ULK4: variants seen among roughly 807,000 people sequenced by gnomAD.
ULK4 encodes the protein unc-51 like kinase 4.
In ULK4, 133 loss-of-function variants were observed where a neutral mutation model predicts 160.6. The ratio of observed to expected loss-of-function variants is 0.83; its 90% CI spans 0.72 to 0.96. The LOEUF (loss-of-function observed/expected upper bound fraction) is 0.96. Among genes scored for constraint, ULK4 ranks in the 40% least tolerant of loss-of-function variants. The probability of loss-of-function intolerance (pLI) is 0.00; values close to 1 mark genes in which losing one functional copy is unlikely to be tolerated. For synonymous variants in ULK4, 534 were observed against 539.8 expected, an observed-to-expected ratio of 0.99 and a Z score of 0.15; for missense variants, 1,580 against 1,499.5, an observed-to-expected ratio of 1.05 and a Z score of -0.89.
At chr3:41,444,361 T>TTCTTTC (rs2083243842) in intron 34 of ULK4, among the ~76,000 whole-genome samples, 1 of 146,582 alleles carries the variant, frequency 6.8e-6, no homozygotes, top group African/African-American at 2.5e-5. Context: ...TTTAAGTGAC[T>TTCTTTC]TCTCTCTCTC....
intron 32 of ULK4, among the ~76,000 whole-genome samples, chr3:41,545,260 T>C (rs2086820969): frequency 6.6e-6 from 1 of 152,170 alleles, no homozygotes; most frequent in Non-Finnish European, 1.5e-5. Flanking sequence ...CAAATTCGAG[T>C]TTGAGTTTTC....
chr3:41,359,159 C>T (rs1385191404), intron 35 of ULK4, among the ~76,000 whole-genome samples: 4 of 152,064 alleles, frequency 2.6e-5, no homozygotes, highest in Non-Finnish European at 2.9e-5. Flanking sequence ...ATGACTAAGG[C>T]GAACAGGAGT....
At chr3:41,645,443 G>A (rs369664215) in intron 30 of ULK4, among the ~76,000 whole-genome samples, 15 of 151,838 alleles carry the variant, frequency 9.9e-5, no homozygotes, top group African/African-American at 1.9e-4. Context: ...CCTTTGTTTC[G>A]TTATGTACCC....
In ULK4 at chr3:41,423,691, A is replaced by G. The variant is rs551509248; in HGVS notation, c.3493-25427T>C. Reference sequence around the variant, plus strand: ...AAAACTGAGGTATAGAGGTTCTCTCACTGGGACTGACTACGCGGTTGTCTT... The same window carrying G: ...AAAACTGAGGTATAGAGGTTCTCTCGCTGGGACTGACTACGCGGTTGTCTT... On this transcript the variant is annotated intron_variant, in intron 34 of 36. Transcript: ENST00000301831. 2.8e-4 allele frequency among the ~76,000 whole-genome samples: 42 copies of G among 152,222 alleles called. 2 individuals carry two copies. In the South Asian group the frequency reaches 8.7e-3, roughly 32 times the overall value.
intron 32 of ULK4, among the ~76,000 whole-genome samples, chr3:41,483,144 C>T (rs1156352668): frequency 2.6e-5 from 4 of 152,052 alleles, no homozygotes; most frequent in South Asian, 4.1e-4. Context: ...GTTAACCATC[C>T]CCACTTTAGT....
chr3:41,406,888 C>T lies in ULK4; in HGVS notation c.3493-8624G>A, dbSNP rs1447742333. Among the ~76,000 whole-genome samples the T allele has an allele frequency of 2.0e-5, 3 of 152,118 alleles. No individual in the cohort carries two copies. The East Asian group carries it at 5.8e-4, about 29-fold the overall frequency. On this transcript the variant is annotated intron_variant, in intron 34 of 36. Transcript: ENST00000301831. Reference sequence around the variant, plus strand: ...CATAAGATAATGAAGAACGGTTGTCCCTAAGAGATGGGACACAAATAGGGT... The same window carrying T: ...CATAAGATAATGAAGAACGGTTGTCTCTAAGAGATGGGACACAAATAGGGT...
intron 35 of ULK4, among the ~76,000 whole-genome samples, chr3:41,300,822 T>C (rs2079772106): frequency 7.4e-6 from 1 of 135,230 alleles, no homozygotes; most frequent in African/African-American, 2.7e-5. Flanking sequence ...GATTAAATTT[T>C]GATCATTTTA....
At chr3:41,519,932 A>G (rs2085876228) in intron 32 of ULK4, among the ~76,000 whole-genome samples, 1 of 152,314 alleles carries the variant, frequency 6.6e-6, no homozygotes, top group South Asian at 2.1e-4. Flanking sequence ...TTACTGGGAA[A>G]TGTTGCTCAA....
intron 30 of ULK4, among the ~76,000 whole-genome samples, chr3:41,635,941 A>G (rs1357128877): frequency 6.6e-6 from 1 of 152,246 alleles, no homozygotes; most frequent in Admixed American, 6.5e-5. Context: ...TTTTAGATAC[A>G]TAGTTTTCCA....
intron 32 of ULK4, among the ~76,000 whole-genome samples, chr3:41,484,356 G>A (rs2084431693): frequency 1.3e-5 from 2 of 151,818 alleles, no homozygotes; most frequent in Admixed American, 1.3e-4. Context: ...AAACTATACT[G>A]TTTAAATTGT....
chr3:41,729,499 T>C (rs926669286), intron 22 of ULK4, among the ~76,000 whole-genome samples: 14 of 152,168 alleles, frequency 9.2e-5, no homozygotes, highest in Non-Finnish European at 1.3e-4. Context: ...TGGGACCCAA[T>C]AGCCACTGTA....
intron 19 of ULK4, among the ~76,000 whole-genome samples, chr3:41,811,107 G>A (rs1339145783): frequency 3.3e-5 from 5 of 151,914 alleles, no homozygotes; most frequent in East Asian, 1.9e-4. Context: ...GGCTGGTCTC[G>A]AACTCTTGGC....
intron 11 of ULK4, among the ~76,000 whole-genome samples, chr3:41,910,461 G>T (rs1410735379): frequency 6.6e-6 from 1 of 151,916 alleles, no homozygotes; most frequent in East Asian, 1.9e-4. Flanking sequence ...AGGCGAGGTG[G>T]TGGGCCCCTG....
chr3:41,811,606 T>C (rs1487929381), intron 19 of ULK4, among the ~76,000 whole-genome samples: 1 of 152,236 alleles, frequency 6.6e-6, no homozygotes, highest in African/African-American at 2.4e-5. Context: ...TTTTAAATTA[T>C]AAATTTTTTG....
At chr3:41,471,035 G>C (rs1269029845) in intron 32 of ULK4, among the ~76,000 whole-genome samples, 1 of 150,276 alleles carries the variant, frequency 6.7e-6, no homozygotes, top group Non-Finnish European at 1.5e-5. Flanking sequence ...GTAATTGAAT[G>C]AATTAAACAA....
Position 41,912,787 on chromosome 3 carries a change from C to A in ULK4, c.896+20G>T. On this transcript the variant is annotated intron_variant, in intron 9 of 36. Coordinates refer to ENST00000301831, the MANE Select transcript of ULK4 (RefSeq NM_017886.4). ...GTGTCCAGTAACTATGTCCCATACA[C>A]AAAGGTAAGTGTATACTACCTGAGA... The A allele has an allele frequency of 1.2e-6, 2 of 1,609,182 alleles. No homozygotes were observed. The highest frequency in any genetic ancestry group is 1.7e-6 in the Non-Finnish European group (2 of 1,175,780).
intron 35 of ULK4, among the ~76,000 whole-genome samples, chr3:41,292,637 C>T (rs916038184): frequency 1.3e-5 from 2 of 151,736 alleles, no homozygotes; most frequent in African/African-American, 4.8e-5. Flanking sequence ...ACAGAGACTC[C>T]ATCTCAAAAA....
At chr3:41,960,233 G>A (rs1700622117) in intron 1 of ULK4, among the ~76,000 whole-genome samples, 1 of 151,874 alleles carries the variant, frequency 6.6e-6, no homozygotes, top group South Asian at 2.1e-4. Context: ...AGTCACATGT[G>A]GACAATTTCA....
chr3:41,645,611 A>G (rs1349713774), intron 30 of ULK4, among the ~76,000 whole-genome samples: 3 of 152,008 alleles, frequency 2.0e-5, no homozygotes, highest in Non-Finnish European at 4.4e-5. Context: ...TTTACTTCCA[A>G]GTATGTGGTC....
Sources: gnomAD v4.1 joint callset for allele counts (sites outside exome capture counted in the v4.1 genomes callset) on GRCh38, gnomAD v4.1.1 for gene constraint, MANE v1.5 for transcripts, NCBI Gene and HGNC (gene_info 2026-07-23, HGNC 2026-07-21) for gene names.